Variants in PLEK2 observed in about 807,000 individuals in gnomAD.
PLEK2 encodes the protein pleckstrin-2.
In PLEK2, 29 loss-of-function variants were observed where a neutral mutation model predicts 43.8. That is an observed-to-expected ratio of 0.66 (90% CI 0.49 to 0.90). PLEK2 has a LOEUF of 0.90. Ranked by LOEUF, PLEK2 falls within the 40% of genes least tolerant of loss-of-function variation. The pLI is 0.00. For missense variants in PLEK2, 398 were observed against 448.1 expected (o/e 0.89, Z 1.01); for synonymous variants, 162 against 173.2 (o/e 0.94, Z 0.51).
intron 1 of PLEK2, among the ~76,000 whole-genome samples, chr14:67,405,060 C>G (rs1285218719): frequency 6.6e-6 from 1 of 150,972 alleles, no homozygotes; most frequent in Non-Finnish European, 1.5e-5. Flanking sequence ...ATGGCGAAAC[C>G]CCATCTCTAC....
chr14:67,387,446 C>A lies in PLEK2; in HGVS notation c.945G>T (p.Gly315=). ...EDNGVPTGVK[G]NVQGNLFKVI... ...CTTTGAAGAGGTTTCCCTGGACATTCCCTTTAACCCCTAGGCAGAAAAAAG... is the reference window on the plus strand; with the variant it reads ...CTTTGAAGAGGTTTCCCTGGACATTACCTTTAACCCCTAGGCAGAAAAAAG... Residue 315 remains glycine, a synonymous_variant, in exon 9 of 9, where the codon GGG becomes GGT. Transcript: ENST00000216446. The A allele has an allele frequency of 1.2e-6, 2 of 1,607,000 alleles. No individual in the cohort carries two copies. Among genetic ancestry groups the A allele is most frequent in the Non-Finnish European group, 1.7e-6 (2 of 1,177,354 alleles).
Position 67,401,058 on chromosome 14 carries a change from G to C in PLEK2, c.43-3232C>G, listed in dbSNP as rs184338962. ...GTGTGTCTGTGTGCCTCCAAAATTC[G>C]TATGTTGAATGCCTAGCCCCAGTGC... On this transcript the variant is annotated intron_variant, in intron 1 of 8. Coordinates refer to ENST00000216446, the MANE Select transcript of PLEK2 (RefSeq NM_016445.3). Among the ~76,000 whole-genome samples the C allele has an allele frequency of 3.3e-5, 5 of 152,122 alleles. No homozygotes were observed. In the East Asian group the frequency reaches 7.7e-4, roughly 24 times the overall value.
chr14:67,391,299 G>GTGTGTA (rs1278789246), intron 6 of PLEK2, among the ~76,000 whole-genome samples: 1 of 151,288 alleles, frequency 6.6e-6, no homozygotes, highest in East Asian at 1.9e-4. Flanking sequence ...GTGTGTGTGT[G>GTGTGTA]TGTGTGACTT....
At chr14:67,396,944 C>CTT (rs72102932) in intron 2 of PLEK2, among the ~76,000 whole-genome samples, 5,402 of 138,382 alleles carry the variant, frequency 0.039, 6 homozygotes, top group East Asian at 0.12. Context: ...TATTGGGAGA[C>CTT]TTTTTTTTTT....
chr14:67,400,716 G>A (rs913356228), intron 1 of PLEK2, among the ~76,000 whole-genome samples: 1 of 152,050 alleles, frequency 6.6e-6, no homozygotes, highest in African/African-American at 2.4e-5. Context: ...GGCTGAGCTC[G>A]GTGGTTCACG....
At chr14:67,395,117 C>G (rs1595656762) in intron 3 of PLEK2, among the ~76,000 whole-genome samples, 1 of 152,136 alleles carries the variant, frequency 6.6e-6, no homozygotes, top group Non-Finnish European at 1.5e-5. Context: ...GTGACACAGC[C>G]CTGAGCACCC....
At chr14:67,402,647 T>C (rs1158285008) in intron 1 of PLEK2, among the ~76,000 whole-genome samples, 1 of 152,196 alleles carries the variant, frequency 6.6e-6, no homozygotes, top group East Asian at 1.9e-4. Flanking sequence ...TTTTGATTTT[T>C]AGAGCTGGCG....
At position 67,390,732 on chromosome 14, in the gene PLEK2, T is replaced by A. The variant is rs2085960304; in HGVS notation, c.786A>T (p.Lys262Asn). Residue 262 changes from lysine to asparagine, a missense_variant, in exon 7 of 9, where the codon AAA becomes AAT. Lys to Asn is a moderately conservative substitution (Grantham distance 94). Coordinates refer to ENST00000216446, the MANE Select transcript of PLEK2 (RefSeq NM_016445.3). Reference protein sequence around the residue: ...GYLAKQGHKRKNWKVRRFVLR... With the variant: ...GYLAKQGHKRNNWKVRRFVLR... ...GAACAAAGCGACGCACCTTCCAGTT[T>A]TTCCTCTTGTGTCCCTGAGGCAAAG... 6.2e-7 allele frequency: 1 copy of A among 1,612,762 alleles called. No homozygotes were observed. The highest frequency in any genetic ancestry group is 8.5e-7 in the Non-Finnish European group (1 of 1,178,852).
intron 8 of PLEK2, 36 bp downstream of exon 8, chr14:67,388,188 T>C (rs749889886): frequency 2.3e-5 from 32 of 1,399,328 alleles, no homozygotes; most frequent in Non-Finnish European, 5.1e-6. Flanking sequence ...GGGAGGCCCC[T>C]GAGATCTTCA....
In PLEK2 at chr14:67,388,233, C is replaced by A. The variant is rs146989539; in HGVS notation, c.925G>T (p.Val309Phe). The part of the protein sequence containing the change: ...SLVSALEDNG[V>F]PTGVKGNVQG... ...TGAAGTTGTACCTTACCAGTGGGAA[C>A]GCCATTATCTTCCAGAGCAGACACG... The change falls in exon 8 of 9, where the codon GTT becomes TTT. Residue 309 changes from valine (V) to phenylalanine (F), a missense_variant. Val to Phe is a conservative substitution (Grantham distance 50). Transcript: ENST00000216446. 6.2e-7 allele frequency: 1 copy of A among 1,610,792 alleles called. No homozygotes were observed. The highest frequency in any genetic ancestry group is 1.3e-5 in the African/African-American group (1 of 74,830).
In PLEK2 at chr14:67,393,861, A is replaced by C. The variant is rs145256748; in HGVS notation, c.390-620T>G. ...CCAGTGGTCACAGGTTTCACAAGAAAGTCTGAGGCACCACTAGCTGCACAT... is the reference window on the plus strand; with the variant it reads ...CCAGTGGTCACAGGTTTCACAAGAACGTCTGAGGCACCACTAGCTGCACAT... On this transcript the variant is annotated intron_variant, in intron 3 of 8. Coordinates refer to ENST00000216446, the MANE Select transcript of PLEK2 (RefSeq NM_016445.3). Among the ~76,000 whole-genome samples the C allele has an allele frequency of 8.3e-4, 126 of 152,300 alleles. No individual in the cohort carries two copies. In the East Asian group the frequency reaches 0.021, roughly 25 times the overall value.
chr14:67,407,544 G>A (rs539728505), intron 1 of PLEK2, among the ~76,000 whole-genome samples: 99 of 151,850 alleles, frequency 6.5e-4, no homozygotes, highest in African/African-American at 2.3e-3. Flanking sequence ...GGGCTCAAGC[G>A]ATTCTCCCAT....
intron 1 of PLEK2, 84 bp from the exon 2 acceptor site, chr14:67,397,910 T>C (rs2086022452): frequency 9.2e-7 from 1 of 1,091,226 alleles, no homozygotes; most frequent in Non-Finnish European, 1.3e-6. Flanking sequence ...GTGGCACAAG[T>C]AACCAGACTG....
At position 67,392,584 on chromosome 14, in the gene PLEK2, T is replaced by A. The variant is rs1359314878; in HGVS notation, c.669+78A>T. The stretch of plus-strand genomic sequence containing the variant: ...AGCCCAAGGTCTCCTCCCATGACTG[T>A]GGCCCCCAGGCCCCCATTCTGTTGT... On this transcript the variant is annotated intron_variant, in intron 5 of 8. Coordinates refer to ENST00000216446, the MANE Select transcript of PLEK2 (RefSeq NM_016445.3). 3.7e-6 allele frequency: 5 copies of A among 1,367,424 alleles called. No homozygotes were observed. The African/African-American group carries it at 7.2e-5, about 20-fold the overall frequency. 84.7% of individuals were successfully genotyped at this position (1,367,424 alleles called of 1,614,324 possible).
intron 1 of PLEK2, among the ~76,000 whole-genome samples, chr14:67,409,476 A>G (rs1016741219): frequency 5.3e-5 from 8 of 152,238 alleles, no homozygotes; most frequent in Non-Finnish European, 8.8e-5. Flanking sequence ...TCTCTAGGCC[A>G]GAGCATGTTC....
In PLEK2 at chr14:67,395,570, A is replaced by C; in HGVS notation, c.221T>G (p.Leu74Arg). 1 of 1,614,132 alleles carries C rather than the reference A, an allele frequency of 6.2e-7. No individual in the cohort carries two copies. Among genetic ancestry groups the C allele is most frequent in the Non-Finnish European group, 8.5e-7 (1 of 1,180,002 alleles). ...GTACTCCGTGGATGTTTGAGTCTTC[A>C]GCTTAATGAGGAGCTGTGGGAAGAG... ...EYENRPLLIK[L>R]KTQTSTEYFL... Residue 74 changes from leucine (L) to arginine (R), a missense_variant, in exon 3 of 9, where the codon CTG becomes CGG. By Grantham distance (102) the Leu-to-Arg change is moderately radical. Coordinates refer to ENST00000216446, the MANE Select transcript of PLEK2 (RefSeq NM_016445.3).
At chr14:67,394,255 G>A (rs928447774) in intron 3 of PLEK2, among the ~76,000 whole-genome samples, 1 of 152,240 alleles carries the variant, frequency 6.6e-6, no homozygotes, top group Admixed American at 6.5e-5. Context: ...TGTATGCTGG[G>A]CACAGTGGCT....
At chr14:67,408,787 C>T (rs565767579) in intron 1 of PLEK2, among the ~76,000 whole-genome samples, 11 of 152,262 alleles carry the variant, frequency 7.2e-5, no homozygotes, top group Admixed American at 2.6e-4. Flanking sequence ...TTTTCTTCTA[C>T]GCATATTTTT....
At chr14:67,389,095 C>T (rs1024241116) in intron 7 of PLEK2, among the ~76,000 whole-genome samples, 11 of 151,932 alleles carry the variant, frequency 7.2e-5, no homozygotes, top group Admixed American at 4.6e-4. Flanking sequence ...GGTGGTATCC[C>T]TGGACGATTC....
Sources: allele counts gnomAD v4.1 joint callset (sites outside exome capture counted in the v4.1 genomes callset), GRCh38; gene constraint gnomAD v4.1.1; transcripts MANE v1.5; gene names NCBI Gene and HGNC (gene_info 2026-07-23, HGNC 2026-07-21).